The following ITGA7 variants were observed in gnomAD, a reference collection of about 807,000 sequenced individuals.
The protein encoded by ITGA7 is integrin subunit alpha 7, also known as integrin alpha-7.
ITGA7 carries 84 observed loss-of-function variants against 131.6 expected under a neutral mutation model. That is an observed-to-expected ratio of 0.64 (90% confidence interval 0.54 to 0.77). ITGA7 has a LOEUF of 0.77. Ranked by LOEUF, ITGA7 falls within the 30% of genes least tolerant of loss-of-function variation. ITGA7 has a pLI of 0.00. For missense variants in ITGA7, 1,399 were observed against 1,482.9 expected (o/e 0.94, Z 0.93); for synonymous variants, 548 against 600.7 (o/e 0.91, Z 1.28).
upstream of ITGA7, chr12:55,708,136 C>T (rs1875638999): frequency 1.4e-6 from 1 of 705,170 alleles, no homozygotes; most frequent in Non-Finnish European, 1.7e-6. Context: ...CAACCCCATC[C>T]CCACCCCGGG....
At chr12:55,696,529 A>G in intron 12 of ITGA7, 97 bp from the exon 13 acceptor site, 1 of 1,342,594 alleles carries the variant, frequency 7.4e-7, no homozygotes, top group South Asian at 1.3e-5. Context: ...TAAAACTTGG[A>G]AAGAATATTA....
At chr12:55,703,331 G>A (rs1345715009) in intron 1 of ITGA7, among the ~76,000 whole-genome samples, 153 bp from the exon 2 acceptor site, 2 of 152,060 alleles carry the variant, frequency 1.3e-5, no homozygotes, top group African/African-American at 4.8e-5. Context: ...TCAAACCCTG[G>A]CAAGGACAAA....
intron 14 of ITGA7, 131 bp from the exon 15 acceptor site, chr12:55,695,101 C>T (rs527900359): frequency 1.3e-5 from 11 of 876,868 alleles, no homozygotes; most frequent in African/African-American, 4.9e-5. Context: ...CCATCACACC[C>T]GTCCAAGCCT....
At chr12:55,693,050 G>A (rs575741760) in intron 20 of ITGA7, 75 bp from the exon 21 acceptor site, 78 of 1,610,854 alleles carry the variant, frequency 4.8e-5, no homozygotes, top group Admixed American at 2.5e-4. Flanking sequence ...CCTCCCCACC[G>A]CCTTCCTCCT....
At chr12:55,698,961 C>A in intron 5 of ITGA7, 44 bp from the exon 6 acceptor site, 1 of 1,535,598 alleles carries the variant, frequency 6.5e-7, no homozygotes, top group East Asian at 2.4e-5. Flanking sequence ...CCCCAAGACT[C>A]AGAAGCTGGG....
Position 55,697,519 on chromosome 12 carries a change from A to C in ITGA7, c.1437T>G (p.His479Gln), listed in dbSNP as rs377143386. Residue 479 changes from histidine (H) to glutamine (Q), a missense_variant, in exon 10 of 25, where the codon CAT becomes CAG. His to Gln is a conservative substitution (Grantham distance 24). Transcript: ENST00000257879. ...FRARPILHVS[H>Q]EVSIAPRSID... ...TGCTTCGTGGAGCAATAGAGACCTC[A>C]TGGGAGACATGGAGGATGGGTCTGG... The C allele has an allele frequency of 4.6e-5, 74 of 1,613,944 alleles. No homozygotes were observed. Among genetic ancestry groups the C allele is most frequent in the Non-Finnish European group, 6.3e-5 (74 of 1,180,014 alleles).
At chr12:55,695,771 T>G in intron 13 of ITGA7, 134 bp from the exon 14 acceptor site, 1 of 677,712 alleles carries the variant, frequency 1.5e-6, no homozygotes, top group Non-Finnish European at 2.7e-6. Context: ...TGCTGCTTAT[T>G]AGCCATGTGA....
intron 14 of ITGA7, 110 bp downstream of exon 14, chr12:55,695,412 C>A: frequency 1.3e-6 from 1 of 799,008 alleles, no homozygotes; most frequent in Non-Finnish European, 2.1e-6. Context: ...CCACCTTCTG[C>A]CTTTTCTGCA....
intron 1 of ITGA7, among the ~76,000 whole-genome samples, chr12:55,704,992 G>GC (rs1592486494): frequency 6.6e-6 from 1 of 152,312 alleles, no homozygotes; most frequent in South Asian, 2.1e-4. Flanking sequence ...GCCCCATAGG[G>GC]AGTGTCAGAA....
chr12:55,716,029 A>ACGTGACACAGCGGTCACGGGG (rs1430244097), upstream of ITGA7: 24 of 1,537,490 alleles, frequency 1.6e-5, no homozygotes, highest in Admixed American at 2.9e-4. Flanking sequence ...TCCCAACCTC[A>ACGTGACACAGCGGTCACGGGG]CGTGACACAG....
Position 55,707,789 on chromosome 12 carries a change from T to C in ITGA7, c.-107A>G. 1 of 1,523,594 alleles carries C rather than the reference T, an allele frequency of 6.6e-7. No homozygotes were observed. Among genetic ancestry groups the C allele is most frequent in the South Asian group, 1.2e-5 (1 of 82,046 alleles). The allele number at this position is 1,523,594 out of a possible 1,614,324, so 94.4% of individuals were successfully genotyped here. The stretch of plus-strand genomic sequence containing the variant: ...CTGGTCTCCAAAGTCTCGTTGGTCT[T>C]TCAGACGTCTCCCAGACGTTCGCCC... On this transcript the variant is annotated 5_prime_UTR_variant, in exon 1 of 25. Coordinates refer to ENST00000257879, the MANE Select transcript of ITGA7 (RefSeq NM_002206.3).
chr12:55,687,928 A>T (rs1870582455), intron 24 of ITGA7, 43 bp downstream of exon 24: 1 of 1,613,214 alleles, frequency 6.2e-7, no homozygotes, highest in African/African-American at 1.3e-5. Context: ...CTGCTCACCC[A>T]ACCAGGAAGT....
chr12:55,686,206 C>A (rs1484267043), intron 24 of ITGA7: 1 of 1,348,384 alleles, frequency 7.4e-7, no homozygotes, highest in Non-Finnish European at 9.8e-7. Flanking sequence ...AGTTACCCCA[C>A]AGTCCCTGGA....
chr12:55,694,714 C>T lies in ITGA7; in HGVS notation c.2197-19G>A. On this transcript the variant is annotated intron_variant, in intron 15 of 24. Transcript: ENST00000257879. The surrounding 1 kb of genome is among the most constrained non-coding windows in gnomAD (Gnocchi z 5.3). ...GCTTCTCCTGGAATGGGAGAGAAGGCAAGGTCAGTCTGGGTTACTGGAGCC... is the reference window on the plus strand; with the variant it reads ...GCTTCTCCTGGAATGGGAGAGAAGGTAAGGTCAGTCTGGGTTACTGGAGCC... 6.2e-7 allele frequency: 1 copy of T among 1,614,052 alleles called. No individual in the cohort carries two copies. The highest frequency in any genetic ancestry group is 8.5e-7 in the Non-Finnish European group (1 of 1,179,938).
In ITGA7 at chr12:55,692,202, T is replaced by A. The variant is rs145292316; in HGVS notation, c.2844+642A>T. Among the ~76,000 whole-genome samples the A allele has an allele frequency of 5.7e-3, 871 of 152,272 alleles. 9 individuals are homozygous for A. Among genetic ancestry groups the A allele is most frequent in the African/African-American group, 0.02 (833 of 41,548 alleles). ...CCGAGGCAGACAGATCGCTCGAGGTTAGGAGTTCGAGACCAGCCAGCCTGG... is the reference window on the plus strand; with the variant it reads ...CCGAGGCAGACAGATCGCTCGAGGTAAGGAGTTCGAGACCAGCCAGCCTGG... On this transcript the variant is annotated intron_variant, in intron 21 of 24. Coordinates refer to ENST00000257879, the MANE Select transcript of ITGA7 (RefSeq NM_002206.3).
In ITGA7 at chr12:55,695,055, C is replaced by T. The variant is rs1354073559; in HGVS notation, c.2004-85G>A. On this transcript the variant is annotated intron_variant, in intron 14 of 24. Transcript: ENST00000257879. ...CCCAGTCTGCTCCCCCAGTACCTGC[C>T]TTCACTCCCTGAGCCTCTCTTCCCA... 3 of 1,349,892 alleles carry T rather than the reference C, an allele frequency of 2.2e-6. No individual in the cohort carries two copies. In the African/African-American group the frequency reaches 4.3e-5, roughly 19 times the overall value. 83.6% of individuals were successfully genotyped at this position (1,349,892 alleles called of 1,614,324 possible).
intron 3 of ITGA7, 175 bp from the exon 4 acceptor site, chr12:55,701,329 G>T: frequency 6.4e-7 from 1 of 1,559,934 alleles, no homozygotes. Flanking sequence ...CCATTACCCT[G>T]CCAGTGTTAC....
Position 55,694,120 on chromosome 12 carries a change from C to T in ITGA7, c.2436G>A (p.Met812Ile). The T allele has an allele frequency of 6.2e-7, 1 of 1,614,142 alleles. No individual in the cohort carries two copies. Among genetic ancestry groups the T allele is most frequent in the Non-Finnish European group, 8.5e-7 (1 of 1,179,972 alleles). ...FIELPLSIAG[M>I]AIPQQLFFSG... ...AGAAGAAGAGTTGCTGGGGAATGGC[C>T]ATTCTGGCGTGGAGAGGTCAGAACA... is the stretch of plus-strand genomic sequence containing the variant. Residue 812 changes from methionine to isoleucine, a missense_variant, in exon 19 of 25, where the codon ATG becomes ATA. Met to Ile is a conservative substitution (Grantham distance 10, BLOSUM62 1). Transcript: ENST00000257879. The surrounding 1 kb of genome is among the most constrained non-coding windows in gnomAD (Gnocchi z 5.3).
At chr12:55,700,145 CAGAG>C in intron 4 of ITGA7, 156 bp from the exon 5 acceptor site, 1 of 1,410,578 alleles carries the variant, frequency 7.1e-7, no homozygotes, top group Non-Finnish European at 9.7e-7. Flanking sequence ...GACAGAAAGA[CAGAG>C]AGAGACAAGG....
Sources: gnomAD v4.1 joint callset for allele counts (sites outside exome capture counted in the v4.1 genomes callset) on GRCh38, gnomAD v4.1.1 for gene constraint, Gnocchi (gnomAD v3.1) non-coding constraint, MANE v1.5 for transcripts, NCBI Gene and HGNC (gene_info 2026-07-23, HGNC 2026-07-21) for gene names.